TAFA1: variants seen among roughly 807,000 people sequenced by gnomAD.
TAFA1 encodes the protein TAFA chemokine like family member 1.
Under a neutral mutation model 18.5 loss-of-function variants are expected in TAFA1, and 4 were observed. The observed-to-expected ratio is 0.22, with a 90% CI of 0.11 to 0.49. TAFA1 has a LOEUF of 0.49. TAFA1 is among the 20% of genes least tolerant of loss of function. The probability of loss-of-function intolerance (pLI) is 0.98; values close to 1 mark genes in which losing one functional copy is unlikely to be tolerated. For synonymous variants in TAFA1, 56 were observed against 55.2 expected, an observed-to-expected ratio of 1.01 and a Z score of -0.06; for missense variants, 147 against 169.0, an observed-to-expected ratio of 0.87 and a Z score of 0.72.
intron 2 of TAFA1, among the ~76,000 whole-genome samples, chr3:68,302,203 A>T (rs188871315): frequency 6.6e-6 from 1 of 152,346 alleles, no homozygotes; most frequent in East Asian, 1.9e-4. Flanking sequence ...TTCATTAAAT[A>T]AAACTACTAG....
In TAFA1 at chr3:68,124,371, G is replaced by A. The variant is rs554627208; in HGVS notation, c.118+117627G>A. The stretch of plus-strand genomic sequence containing the variant: ...TATGGGAGTTATCAGATAACTTTAC[G>A]TGGTCTGCCTAGAGATGTCTGTATG... On this transcript the variant is annotated intron_variant, in intron 2 of 4. Coordinates refer to ENST00000478136, the MANE Select transcript of TAFA1 (RefSeq NM_213609.4). Among the ~76,000 whole-genome samples the A allele has an allele frequency of 6.6e-5, 10 of 152,270 alleles. No homozygotes were observed. The South Asian group carries it at 1.7e-3, about 25-fold the overall frequency.
intron 2 of TAFA1, among the ~76,000 whole-genome samples, chr3:68,187,482 G>C (rs970447654): frequency 1.3e-5 from 2 of 151,950 alleles, no homozygotes; most frequent in African/African-American, 2.4e-5. Flanking sequence ...GGCTTCACTT[G>C]TTCAACAGCA....
intron 2 of TAFA1, among the ~76,000 whole-genome samples, chr3:68,062,428 C>T (rs770469159): frequency 3.3e-5 from 5 of 152,094 alleles, no homozygotes; most frequent in Admixed American, 6.6e-5. Context: ...TAAAATAATG[C>T]GCAGGTCCTG....
intron 2 of TAFA1, among the ~76,000 whole-genome samples, chr3:68,212,525 T>C (rs1559560587): frequency 6.6e-6 from 1 of 152,026 alleles, no homozygotes; most frequent in Admixed American, 6.6e-5. Flanking sequence ...ATGAGACATC[T>C]TCCCCCTGCA....
intron 2 of TAFA1, among the ~76,000 whole-genome samples, chr3:68,049,269 T>C (rs991693096): frequency 2.0e-5 from 3 of 151,976 alleles, no homozygotes; most frequent in African/African-American, 7.3e-5. Context: ...GTGTCTAGAG[T>C]GTCTATTGAA....
chr3:68,225,835 T>G (rs1188434641), intron 2 of TAFA1, among the ~76,000 whole-genome samples: 1 of 152,060 alleles, frequency 6.6e-6, no homozygotes, highest in East Asian at 1.9e-4. Context: ...ATAACCTATC[T>G]GTGAAAATGA....
intron 2 of TAFA1, among the ~76,000 whole-genome samples, chr3:68,229,877 G>A (rs146348974): frequency 7.4e-4 from 113 of 152,258 alleles, no homozygotes; most frequent in African/African-American, 2.6e-3. Flanking sequence ...TCAAACAGCC[G>A]TTTATGACAA....
intron 2 of TAFA1, among the ~76,000 whole-genome samples, chr3:68,351,143 T>C (rs1034470173): frequency 6.6e-6 from 1 of 152,082 alleles, no homozygotes; most frequent in African/African-American, 2.4e-5. Context: ...AACCCAGGCA[T>C]CAGTATTGTT....
At chr3:68,150,425 C>T (rs1364320016) in intron 2 of TAFA1, among the ~76,000 whole-genome samples, 3 of 152,154 alleles carry the variant, frequency 2.0e-5, no homozygotes, top group African/African-American at 7.2e-5. Flanking sequence ...TCAGCCAAAG[C>T]CCAGGGCAGT....
chr3:68,446,873 A>G (rs1217442458), intron 3 of TAFA1, among the ~76,000 whole-genome samples: 1 of 152,152 alleles, frequency 6.6e-6, no homozygotes, highest in East Asian at 1.9e-4. Context: ...TCTTCAGTGG[A>G]GTGGAGTAGT....
At chr3:68,237,493 T>G (rs951576265) in intron 2 of TAFA1, among the ~76,000 whole-genome samples, 31 of 152,194 alleles carry the variant, frequency 2.0e-4, no homozygotes, top group African/African-American at 7.2e-4. Context: ...CAGTTGGTTT[T>G]TAATGCTACG....
At chr3:68,185,124 A>T (rs769068651) in intron 2 of TAFA1, among the ~76,000 whole-genome samples, 1 of 152,130 alleles carries the variant, frequency 6.6e-6, no homozygotes, top group Non-Finnish European at 1.5e-5. Context: ...CACTAAGTGG[A>T]GATGTGTAGC....
At chr3:68,158,592 C>A (rs867839601) in intron 2 of TAFA1, among the ~76,000 whole-genome samples, 3 of 151,830 alleles carry the variant, frequency 2.0e-5, no homozygotes, top group Admixed American at 6.6e-5. Flanking sequence ...AGTCTTTATT[C>A]AGCTGAATAT....
chr3:68,375,565 A>G (rs1306038493), intron 2 of TAFA1, among the ~76,000 whole-genome samples: 1 of 152,186 alleles, frequency 6.6e-6, no homozygotes. Context: ...GGAAAAGTCA[A>G]TATCAGATTA....
intron 2 of TAFA1, among the ~76,000 whole-genome samples, chr3:68,236,480 T>C (rs2066928526): frequency 6.6e-6 from 1 of 152,232 alleles, no homozygotes. Context: ...TATTTTATAA[T>C]GTACTTTGTG....
intron 2 of TAFA1, among the ~76,000 whole-genome samples, chr3:68,049,683 G>A (rs924330115): frequency 4.0e-5 from 6 of 151,808 alleles, no homozygotes; most frequent in East Asian, 3.9e-4. Flanking sequence ...TAATTTCTAC[G>A]ACTGGAGAGA....
At chr3:68,428,068 C>G (rs1510366) in intron 3 of TAFA1, among the ~76,000 whole-genome samples, 3,837 of 151,954 alleles carry the variant, frequency 0.025, 76 homozygotes, top group East Asian at 0.09. Flanking sequence ...ACCCACTAAC[C>G]GGAGCAGAGA....
At chr3:68,120,173 CTTTCTTTCTTTCTTTCTTTCTTT>C (rs2065374369) in intron 2 of TAFA1, among the ~76,000 whole-genome samples, 48 of 16,438 alleles carry the variant, frequency 2.9e-3, no homozygotes, top group South Asian at 0.021. Context: ...CTTTCTTTCT[CTTTCTTTCTTTCTTTCTTTCTTT>C]CTTTCTTTCT....
intron 3 of TAFA1, among the ~76,000 whole-genome samples, chr3:68,470,110 A>C (rs2071969217): frequency 6.6e-6 from 1 of 152,154 alleles, no homozygotes; most frequent in South Asian, 2.1e-4. Flanking sequence ...GTAGTGAATA[A>C]GTCTCACAAA....
Sources: gnomAD v4.1 joint callset for allele counts (sites outside exome capture counted in the v4.1 genomes callset) on GRCh38, gnomAD v4.1.1 for gene constraint, MANE v1.5 for transcripts, NCBI Gene and HGNC (gene_info 2026-07-23, HGNC 2026-07-21) for gene names.